The following COL28A1 variants were observed in gnomAD, a reference collection of about 807,000 sequenced individuals.
COL28A1 encodes collagen type XXVIII alpha 1 chain, also known as collagen alpha-1(XXVIII) chain.
COL28A1 carries 161 observed loss-of-function variants against 150.2 expected under a neutral mutation model. That is an observed-to-expected ratio of 1.07 (90% CI 0.94 to 1.22). The LOEUF is 1.22. Ranked by LOEUF, COL28A1 falls within the 50% of genes most tolerant of loss-of-function variation. The pLI is 0.00. For missense variants in COL28A1, 1,617 were observed against 1,388.3 expected, an observed-to-expected ratio of 1.16 and a Z score of -2.62; for synonymous variants, 552 against 469.7, an observed-to-expected ratio of 1.18 and a Z score of -2.26.
chr7:7,532,612 A>G (rs1782432510), intron 2 of COL28A1, 140 bp downstream of exon 2: 1 of 1,102,356 alleles, frequency 9.1e-7, no homozygotes, highest in African/African-American at 1.6e-5. Flanking sequence ...GTATATTATC[A>G]TCATATAATT....
chr7:7,477,142 GC>G lies in COL28A1; in HGVS notation c.1202del (p.Gly401AlafsTer37), dbSNP rs759572926. ...GTCCTGGAAATCCTTCTCCGGGTAA[GC>G]CCCTCTCTCCTGGTACTCCCTCAGG... ...RGPEGVPGER[G>X]LPGEGFPGPK... On this transcript the variant is annotated frameshift_variant, in exon 14 of 35. Coordinates refer to ENST00000399429, the MANE Select transcript of COL28A1 (RefSeq NM_001037763.3). LOFTEE classifies it high-confidence loss of function. 2 of 1,354,056 alleles carry G rather than the reference GC, an allele frequency of 1.5e-6. No individual in the cohort carries two copies. The highest frequency in any genetic ancestry group is 1.8e-4 in the Middle Eastern group (1 of 5,584). The allele number at this position is 1,354,056 out of a possible 1,614,324, so 83.9% of individuals were successfully genotyped here. A position where few individuals can be genotyped will look rare whatever the true frequency, so the allele number is the denominator to read the frequency against.
intron 25 of COL28A1, among the ~76,000 whole-genome samples, chr7:7,429,483 G>A (rs968468152): frequency 6.8e-6 from 1 of 146,376 alleles, no homozygotes; most frequent in South Asian, 2.1e-4. Context: ...TGGGGGGGGG[G>A]ATGGTGTGTG....
rs550821423 is a variant in COL28A1, at chr7:7,381,500, C to T, written c.2205+44G>A. ...TTCCAAAGTTAAAGTTAAGCTATTG[C>T]GATCCTAAGCCTAAGCATTTCTCTA... On this transcript the variant is annotated intron_variant, in intron 28 of 34. Coordinates refer to ENST00000399429, the MANE Select transcript of COL28A1 (RefSeq NM_001037763.3). 275 of 1,403,402 alleles carry T rather than the reference C, an allele frequency of 2.0e-4. 2 individuals are homozygous for T. The South Asian group carries it at 2.0e-3, about 10-fold the overall frequency. The allele number at this position is 1,403,402 out of a possible 1,614,324, so 86.9% of individuals were successfully genotyped here.
Position 7,444,423 on chromosome 7 carries a change from T to G in COL28A1, c.1576A>C (p.Lys526Gln), listed in dbSNP as rs1277956450. Residue 526 changes from lysine (K) to glutamine (Q), a missense_variant, in exon 19 of 35, where the codon AAG becomes CAG. Transcript: ENST00000399429. ...TACGAAAAACTTGGTGTTACCTTCT[T>G]CCCTGCAGCTCCATCTTCTCCTGGT... ...GVPGEDGAAG[K>Q]KGEAGLPGAR... 6.2e-7 allele frequency: 1 copy of G among 1,613,908 alleles called. No homozygotes were observed. The highest frequency in any genetic ancestry group is 1.3e-5 in the African/African-American group (1 of 74,904).
In COL28A1 at chr7:7,373,508, C is replaced by T; in HGVS notation, c.2398G>A (p.Val800Met). Residue 800 changes from valine (V) to methionine (M), a missense_variant, in exon 32 of 35, where the codon GTG (valine) becomes ATG (methionine). Coordinates refer to ENST00000399429, the MANE Select transcript of COL28A1 (RefSeq NM_001037763.3). The surrounding 1 kb of genome is among the most constrained non-coding windows in gnomAD (Gnocchi z 4.1). ...PKCKETPLEL[V>M]FVIDSSESVG... ...CTTTCTGAGCTGTCGATCACAAACA[C>T]CAGCTCTAGTGGAGTCTCTTTGCAT... is the stretch of plus-strand genomic sequence containing the variant. 1 of 1,613,720 alleles carries T rather than the reference C, an allele frequency of 6.2e-7. No individual in the cohort carries two copies.
intron 11 of COL28A1, among the ~76,000 whole-genome samples, chr7:7,505,812 C>T (rs1004300638): frequency 6.6e-6 from 1 of 152,170 alleles, no homozygotes; most frequent in African/African-American, 2.4e-5. Context: ...CTTTGAATAA[C>T]ATAATAATAA....
chr7:7,428,551 G>C (rs891727023), intron 25 of COL28A1, among the ~76,000 whole-genome samples: 1 of 152,208 alleles, frequency 6.6e-6, no homozygotes, highest in South Asian at 2.1e-4. Context: ...TCCTCGAAGA[G>C]AAATGAGACG....
intron 25 of COL28A1, among the ~76,000 whole-genome samples, chr7:7,429,476 G>T (rs926919087): frequency 6.4e-5 from 9 of 140,524 alleles, no homozygotes; most frequent in East Asian, 3.9e-4. Context: ...GTGTGTGTGG[G>T]GGGGGGGATG....
the COL28A1 span, among the ~76,000 whole-genome samples, chr7:7,349,372 C>A: frequency 6.6e-6 from 1 of 152,206 alleles, no homozygotes. Context: ...AGTATTAGCA[C>A]CTGCTCCCTC....
intron 22 of COL28A1, 69 bp downstream of exon 22, chr7:7,437,325 T>C: frequency 1.3e-6 from 2 of 1,541,902 alleles, no homozygotes; most frequent in Non-Finnish European, 1.7e-6. Flanking sequence ...AGTTCACTGG[T>C]ATCATGATTT....
rs750661773 is a variant in COL28A1, at chr7:7,380,642, T to C, written c.2322+18A>G. 49 of 1,610,626 alleles carry C rather than the reference T, an allele frequency of 3.0e-5. No individual in the cohort carries two copies. Among genetic ancestry groups the C allele is most frequent in the Non-Finnish European group, 4.1e-5 (48 of 1,177,112 alleles). ...GCAAGCACAAAACCCTCAATTACCC[T>C]CTAGAATGGATACTCACTGTAAGTC... On this transcript the variant is annotated intron_variant, in intron 30 of 34. Transcript: ENST00000399429.
At chr7:7,368,863 T>G (rs1421390857) in intron 33 of COL28A1, among the ~76,000 whole-genome samples, 1 of 152,194 alleles carries the variant, frequency 6.6e-6, no homozygotes, top group Non-Finnish European at 1.5e-5. Flanking sequence ...TACTCTTCCC[T>G]GAAATTAATT....
intron 1 of COL28A1, among the ~76,000 whole-genome samples, chr7:7,535,055 A>G (rs1233145855): frequency 6.6e-6 from 1 of 152,096 alleles, no homozygotes; most frequent in Non-Finnish European, 1.5e-5. Context: ...TCTGTTTTTA[A>G]TAATTCTCAC....
chr7:7,503,175 T>C (rs1023087443), intron 11 of COL28A1, among the ~76,000 whole-genome samples: 2 of 152,164 alleles, frequency 1.3e-5, no homozygotes, highest in South Asian at 2.1e-4. Context: ...AAGGGATAAA[T>C]ATAATATGGT....
chr7:7,524,350 A>G, intron 3 of COL28A1, 101 bp from the exon 4 acceptor site: 1 of 760,082 alleles, frequency 1.3e-6, no homozygotes, highest in South Asian at 1.7e-5. Flanking sequence ...AGTTTCCACA[A>G]AGAATAGCAA....
intron 27 of COL28A1, among the ~76,000 whole-genome samples, chr7:7,402,579 CGTT>C (rs1783268045): frequency 6.6e-6 from 1 of 152,114 alleles, no homozygotes; most frequent in South Asian, 2.1e-4. Flanking sequence ...GAGATGAAAA[CGTT>C]GACACCAGTT....
rs770929233 is a variant in COL28A1 at position 7,531,810 on chromosome 7, G to A, written c.219C>T (p.Ser73=). 2 of 1,601,210 alleles carry A rather than the reference G, an allele frequency of 1.2e-6. No homozygotes were observed. Among genetic ancestry groups the A allele is most frequent in the Non-Finnish European group, 1.7e-6 (2 of 1,168,398 alleles). The change falls in exon 3 of 35, where the codon AGC becomes AGT. Residue 73 remains serine, a synonymous_variant. Coordinates refer to ENST00000399429, the MANE Select transcript of COL28A1 (RefSeq NM_001037763.3). ...LFDKQKDFVD[S]LSDKIFQLTP... ...TCAATTGGAAAATCTTGTCACTCAA[G>A]CTATCCACAAAATCTTTCTGTTTAT...
intron 27 of COL28A1, among the ~76,000 whole-genome samples, chr7:7,383,629 A>C (rs1331206365): frequency 6.9e-6 from 1 of 145,408 alleles, no homozygotes; most frequent in East Asian, 2.1e-4. Context: ...TATGCATCCA[A>C]TTTTTTAAAA....
chr7:7,379,305 C>T (rs1048110932), intron 30 of COL28A1, among the ~76,000 whole-genome samples: 5 of 152,150 alleles, frequency 3.3e-5, no homozygotes, highest in Admixed American at 6.5e-5. Flanking sequence ...TCACTCTTCT[C>T]GTCTTGCTAG....
Sources: allele counts gnomAD v4.1 joint callset (sites outside exome capture counted in the v4.1 genomes callset), GRCh38; gene constraint gnomAD v4.1.1; non-coding constraint Gnocchi (gnomAD v3.1); transcripts MANE v1.5; gene names NCBI Gene and HGNC (gene_info 2026-07-23, HGNC 2026-07-21).